The following ZNF346 variants were observed in gnomAD, a reference collection of about 807,000 sequenced individuals.
The protein encoded by ZNF346 is zinc finger protein 346.
ZNF346 carries 23 observed loss-of-function variants against 33.7 expected under a neutral mutation model. The observed-to-expected ratio is 0.68, with a 90% confidence interval of 0.49 to 0.97. The LOEUF (loss-of-function observed/expected upper bound fraction) is 0.97. Among genes scored for constraint, ZNF346 ranks in the 50% least tolerant of loss-of-function variants. The probability of loss-of-function intolerance (pLI) is 0.00; values close to 1 mark genes in which losing one functional copy is unlikely to be tolerated. For synonymous variants in ZNF346, 134 were observed against 142.4 expected (o/e 0.94, Z 0.42); for missense variants, 340 against 371.1 (o/e 0.92, Z 0.69).
At chr5:177,027,133 A>G (rs1226856490) in intron 1 of ZNF346, among the ~76,000 whole-genome samples, 3 of 150,836 alleles carry the variant, frequency 2.0e-5, no homozygotes, top group African/African-American at 4.9e-5. Context: ...GCTCACTGCA[A>G]CCTTTGCCTC....
At chr5:177,053,240 C>T (rs769829562) in intron 5 of ZNF346, among the ~76,000 whole-genome samples, 1 of 139,224 alleles carries the variant, frequency 7.2e-6, no homozygotes, top group African/African-American at 2.8e-5. Flanking sequence ...TGCTTGAACC[C>T]GGGAGGTGGA....
chr5:177,081,161 T>C (rs1783963192), exon 9 of ZNF346: 1 of 149,006 alleles, frequency 6.7e-6, no homozygotes, highest in South Asian at 2.1e-4. Context: ...TTTCTGTATT[T>C]TAAAATGTTC....
In ZNF346 at chr5:177,075,304, G is replaced by C. The variant is rs557332340; in HGVS notation, c.*3-4078G>C. ...TGTAATCCCAGCTACTCATGAGGCT[G>C]AGGCGGGAAAATGGCTTGATCCCAG... On this transcript the variant is annotated intron_variant, in intron 8 of 8. Transcript: ENST00000503039. 8.5e-5 allele frequency among the ~76,000 whole-genome samples: 13 copies of C among 152,084 alleles called. No homozygotes were observed. The South Asian group carries it at 2.7e-3, about 32-fold the overall frequency.
Position 177,023,578 on chromosome 5 carries a change from C to G in ZNF346, c.175+665C>G, listed in dbSNP as rs188941416. On this transcript the variant is annotated intron_variant, in intron 1 of 6. Transcript: ENST00000358149. ...ATGCAAAGCCACGTTAGGGGTCACT[C>G]CTGGGCCGAAGCGCCCCAGCTTGCT... 1.0e-3 allele frequency among the ~76,000 whole-genome samples: 154 copies of G among 152,316 alleles called. 1 individual carries two copies. The highest frequency in any genetic ancestry group is 3.1e-3 in the African/African-American group (128 of 41,568).
chr5:177,022,969 G>A (rs1359213948), intron 1 of ZNF346, 56 bp downstream of exon 1: 3 of 1,442,418 alleles, frequency 2.1e-6, no homozygotes, highest in Non-Finnish European at 2.7e-6. Context: ...GGCTCGCGGG[G>A]AACTGCGGAA....
In ZNF346 at chr5:177,065,013, C is replaced by G. The variant is rs181805572; in HGVS notation, c.*414C>G. On this transcript the variant is annotated 3_prime_UTR_variant, in exon 7 of 7. Coordinates refer to ENST00000358149, the MANE Select transcript of ZNF346 (RefSeq NM_012279.4). ...CATTTCCAGCAAAACCTGGAACTTT[C>G]ATGCCAAACCTGGGGCAGGGCAGGA... 4.6e-4 allele frequency: 76 copies of G among 166,642 alleles called. No homozygotes were observed. The highest frequency in any genetic ancestry group is 1.8e-3 in the African/African-American group (75 of 42,078). The allele number at this position is 166,642 out of a possible 1,614,324, so 10.3% of individuals were successfully genotyped here.
rs1781655716 is a variant in ZNF346 at position 177,056,172 on chromosome 5, T to TTGCA, written c.703+5237_703+5240dup. Among the ~76,000 whole-genome samples the TTGCA allele has an allele frequency of 2.0e-5, 3 of 151,806 alleles. 1 individual carries two copies. The highest frequency in any genetic ancestry group is 7.3e-5 in the African/African-American group (3 of 41,272). ...AGTCAGGAGAATCTCTTGAACCTGG[T>TTGCA]TGCAGTGAGCTGAGATCACACCACT... is the stretch of plus-strand genomic sequence containing the variant. On this transcript the variant is annotated intron_variant, in intron 5 of 6. Coordinates refer to ENST00000358149, the MANE Select transcript of ZNF346 (RefSeq NM_012279.4).
At position 177,022,726 on chromosome 5, in the gene ZNF346, G is replaced by C. The variant is rs1321946279; in HGVS notation, c.-13G>C. 6.5e-7 allele frequency: 1 copy of C among 1,545,796 alleles called. No individual in the cohort carries two copies. The highest frequency in any genetic ancestry group is 1.2e-5 in the South Asian group (1 of 84,230). ...CCTGAGAGGCTCTCTACCGGTGAGG[G>C]TTTGCGGGGAAGATGGAGTATCCCG... is the stretch of plus-strand genomic sequence containing the variant. On this transcript the variant is annotated 5_prime_UTR_variant, in exon 1 of 7. Coordinates refer to ENST00000358149, the MANE Select transcript of ZNF346 (RefSeq NM_012279.4).
At chr5:177,058,424 T>C (rs1656372571) in intron 5 of ZNF346, among the ~76,000 whole-genome samples, 1 of 151,786 alleles carries the variant, frequency 6.6e-6, no homozygotes, top group African/African-American at 2.4e-5. Flanking sequence ...TGAGCCGAGA[T>C]CACGCCATTG....
At chr5:177,072,229 G>A (rs992086287), downstream of ZNF346, among the ~76,000 whole-genome samples, 1 of 152,230 alleles carries the variant, frequency 6.6e-6, no homozygotes, top group Non-Finnish European at 1.5e-5. Context: ...GCCTTGGAGA[G>A]AGATTTGATC....
chr5:177,024,002 G>A (rs1280019612), intron 1 of ZNF346, among the ~76,000 whole-genome samples: 2 of 148,430 alleles, frequency 1.3e-5, no homozygotes, highest in Non-Finnish European at 3.0e-5. Flanking sequence ...TATATATAAT[G>A]TATATTATAT....
rs941370318 is a variant in ZNF346, at chr5:177,022,802, A to T, written c.64A>T (p.Ser22Cys). 1 of 1,544,240 alleles carries T rather than the reference A, an allele frequency of 6.5e-7. No homozygotes were observed. The highest frequency in any genetic ancestry group is 8.7e-7 in the Non-Finnish European group (1 of 1,146,150). ...ADGGAAGPYS[S>C]SELLEGQEPD... The stretch of plus-strand genomic sequence containing the variant: ...CGGCGGAGCGGCCGGGCCTTACAGC[A>T]GCTCGGAGTTGCTGGAGGGCCAGGA... The change falls in exon 1 of 7, where the codon AGC (serine) becomes TGC (cysteine). Residue 22 changes from serine to cysteine, a missense_variant. Ser to Cys is a moderately radical substitution (Grantham distance 112). Transcript: ENST00000358149.
At chr5:177,037,907 A>G (rs75198906) in intron 1 of ZNF346, among the ~76,000 whole-genome samples, 3,647 of 152,202 alleles carry the variant, frequency 0.024, 65 homozygotes, top group Non-Finnish European at 0.037. Flanking sequence ...TGTCTCTCCA[A>G]CTTAATTTCC....
intron 5 of ZNF346, among the ~76,000 whole-genome samples, chr5:177,053,631 GA>G (rs1316693504): frequency 2.0e-5 from 3 of 152,026 alleles, no homozygotes; most frequent in Non-Finnish European, 4.4e-5. Flanking sequence ...TTAAGAGAGG[GA>G]AAAAAATATC....
At chr5:177,054,514 T>A (rs1781407246) in intron 5 of ZNF346, among the ~76,000 whole-genome samples, 1 of 152,152 alleles carries the variant, frequency 6.6e-6, no homozygotes, top group African/African-American at 2.4e-5. Flanking sequence ...TTCTCCTGCC[T>A]CAGCCTCCCG....
rs1033943114 is a variant in ZNF346 at position 177,023,310 on chromosome 5, C to G, written c.175+397C>G. 4 of 1,042,720 alleles carry G rather than the reference C, an allele frequency of 3.8e-6. No individual in the cohort carries two copies. In the South Asian group the frequency reaches 4.1e-5, roughly 11 times the overall value. The allele number at this position is 1,042,720 out of a possible 1,614,324, so 64.6% of individuals were successfully genotyped here. ...ATCTCCAGATTTCCTCCTAGGGCCTCTCGCCTCCCTTCTCTCAAGCCCCAC... is the reference window on the plus strand; with the variant it reads ...ATCTCCAGATTTCCTCCTAGGGCCTGTCGCCTCCCTTCTCTCAAGCCCCAC... On this transcript the variant is annotated intron_variant, in intron 1 of 6. Coordinates refer to ENST00000358149, the MANE Select transcript of ZNF346 (RefSeq NM_012279.4).
Position 177,077,257 on chromosome 5 carries a change from T to G in ZNF346, c.*3-2125T>G, listed in dbSNP as rs573154347. Among the ~76,000 whole-genome samples the G allele has an allele frequency of 1.5e-3, 236 of 152,296 alleles. No homozygotes were observed. Among genetic ancestry groups the G allele is most frequent in the African/African-American group, 5.6e-3 (231 of 41,572 alleles). Reference sequence around the variant, plus strand: ...TGAAAACAGGATGAATTTGCTGCCATGTAAACAAATGAGTACTATGGCCAA... The same window carrying G: ...TGAAAACAGGATGAATTTGCTGCCAGGTAAACAAATGAGTACTATGGCCAA... On this transcript the variant is annotated intron_variant, in intron 8 of 8. Transcript: ENST00000503039. The surrounding 1 kb of genome is among the most constrained non-coding windows in gnomAD (Gnocchi z 5.0).
At chr5:177,033,624 C>T (rs1187905552) in intron 1 of ZNF346, among the ~76,000 whole-genome samples, 3 of 152,042 alleles carry the variant, frequency 2.0e-5, no homozygotes, top group Admixed American at 1.3e-4. Context: ...CCTGGGTTCA[C>T]GCCGTTCTCC....
At chr5:177,038,733 C>A (rs771237168) in intron 1 of ZNF346, among the ~76,000 whole-genome samples, 7 of 151,944 alleles carry the variant, frequency 4.6e-5, no homozygotes, top group African/African-American at 7.3e-5. Flanking sequence ...GAAACCTCAT[C>A]TCTTGAACAA....
Sources: allele counts gnomAD v4.1 joint callset (sites outside exome capture counted in the v4.1 genomes callset), GRCh38; gene constraint gnomAD v4.1.1; non-coding constraint Gnocchi (gnomAD v3.1); transcripts MANE v1.5; gene names NCBI Gene and HGNC (gene_info 2026-07-23, HGNC 2026-07-21).